The following PTPRD variants were observed in gnomAD, a reference collection of about 807,000 sequenced individuals.
PTPRD encodes receptor-type tyrosine-protein phosphatase delta.
In PTPRD, 34 loss-of-function variants were observed where a neutral mutation model predicts 214.5. That is an observed-to-expected ratio of 0.16 (90% CI 0.12 to 0.21). The LOEUF (loss-of-function observed/expected upper bound fraction) is 0.21, where lower values mean the gene tolerates loss of function less well. PTPRD is among the 10% of genes least tolerant of loss of function. The probability of loss-of-function intolerance (pLI) is 1.00; values close to 1 mark genes in which losing one functional copy is unlikely to be tolerated. For synonymous variants in PTPRD, 1,128 were observed against 845.7 expected (o/e 1.33, Z -5.79); for missense variants, 2,545 against 2,398.7 (o/e 1.06, Z -1.27).
At chr9:8,736,674 T>A (rs542583175) in intron 11 of PTPRD, among the ~76,000 whole-genome samples, 33 of 152,008 alleles carry the variant, frequency 2.2e-4, no homozygotes, top group Middle Eastern at 3.4e-3. Context: ...AGGAGAGGAA[T>A]CACTCTACCA....
chr9:8,690,414 C>A (rs2097778746), intron 12 of PTPRD, among the ~76,000 whole-genome samples: 1 of 151,344 alleles, frequency 6.6e-6, no homozygotes. Flanking sequence ...GTAGTCCCAG[C>A]TACTTGGGAG....
At chr9:10,313,803 C>G (rs999765307) in intron 3 of PTPRD, among the ~76,000 whole-genome samples, 1 of 151,904 alleles carries the variant, frequency 6.6e-6, no homozygotes, top group African/African-American at 2.4e-5. Flanking sequence ...CTGTTAGAGG[C>G]CTTCCATAAT....
chr9:10,104,367 G>A (rs1245133088), intron 3 of PTPRD, among the ~76,000 whole-genome samples: 2 of 151,502 alleles, frequency 1.3e-5, no homozygotes, highest in African/African-American at 4.8e-5. Context: ...GAATTTAATG[G>A]CTTGATGAAT....
intron 40 of PTPRD, 78 bp downstream of exon 40, chr9:8,341,615 G>C (rs1852540321): frequency 2.0e-6 from 3 of 1,514,366 alleles, no homozygotes; most frequent in African/African-American, 1.4e-5. Context: ...AATTTGAAAG[G>C]TTAAAGTAAA....
intron 30 of PTPRD, among the ~76,000 whole-genome samples, chr9:8,475,854 G>T (rs1259945533): frequency 6.6e-6 from 1 of 152,132 alleles, no homozygotes; most frequent in African/African-American, 2.4e-5. Context: ...CTTATGCCCA[G>T]ACTGTGACCT....
intron 2 of PTPRD, among the ~76,000 whole-genome samples, chr9:10,390,378 T>C (rs2098033822): frequency 6.6e-6 from 1 of 151,804 alleles, no homozygotes; most frequent in Non-Finnish European, 1.5e-5. Flanking sequence ...TCATCTCTTC[T>C]TTTCTGGATT....
intron 11 of PTPRD, among the ~76,000 whole-genome samples, chr9:8,942,115 G>A (rs2099037718): frequency 1.3e-5 from 2 of 152,068 alleles, no homozygotes; most frequent in African/African-American, 4.8e-5. Context: ...CTATAATAAA[G>A]GTCTTAATGC....
At chr9:10,594,250 A>G (rs967052067) in intron 2 of PTPRD, among the ~76,000 whole-genome samples, 1 of 148,982 alleles carries the variant, frequency 6.7e-6, no homozygotes, top group African/African-American at 2.4e-5. Context: ...TCCCTTAAAT[A>G]TAAATGAAGG....
At chr9:9,708,892 G>T (rs2097675119) in intron 7 of PTPRD, among the ~76,000 whole-genome samples, 1 of 151,900 alleles carries the variant, frequency 6.6e-6, no homozygotes, top group Admixed American at 6.6e-5. Flanking sequence ...TTATAATTCT[G>T]CAAACTAGAA....
At chr9:10,611,244 CTT>C (rs2080891024) in intron 2 of PTPRD, among the ~76,000 whole-genome samples, 1 of 152,104 alleles carries the variant, frequency 6.6e-6, no homozygotes, top group African/African-American at 2.4e-5. Context: ...TGTCAAAAAA[CTT>C]AGGATTTGTT....
At chr9:10,418,663 T>TAG (rs1158868427) in intron 2 of PTPRD, among the ~76,000 whole-genome samples, 5 of 151,882 alleles carry the variant, frequency 3.3e-5, no homozygotes, top group African/African-American at 1.2e-4. Context: ...AACATTGTTT[T>TAG]GTTCCCTGCT....
intron 3 of PTPRD, among the ~76,000 whole-genome samples, chr9:10,268,602 G>T (rs940765026): frequency 7.9e-5 from 12 of 152,026 alleles, no homozygotes; most frequent in Non-Finnish European, 1.6e-4. Flanking sequence ...TCATAAGTTT[G>T]TATTTCTCCA....
chr9:8,340,312 A>T (rs1304113050), intron 42 of PTPRD, 31 bp downstream of exon 42: 1 of 1,568,158 alleles, frequency 6.4e-7, no homozygotes, highest in Non-Finnish European at 8.7e-7. Flanking sequence ...TAAATGTCTT[A>T]TGAGGAGACA....
chr9:10,156,854 T>G (rs2099096540), intron 3 of PTPRD, among the ~76,000 whole-genome samples: 1 of 152,208 alleles, frequency 6.6e-6, no homozygotes, highest in South Asian at 2.1e-4. Context: ...TAGTTAGGTC[T>G]TCTCTTGAAT....
At chr9:10,006,833 A>G (rs2096487359) in intron 4 of PTPRD, among the ~76,000 whole-genome samples, 1 of 151,892 alleles carries the variant, frequency 6.6e-6, no homozygotes, top group Non-Finnish European at 1.5e-5. Flanking sequence ...ATTCCATTCT[A>G]TCTACTGGTG....
At chr9:8,340,576 T>C (rs1851538247) in intron 41 of PTPRD, 107 bp from the exon 42 acceptor site, 1 of 1,107,080 alleles carries the variant, frequency 9.0e-7, no homozygotes, top group Non-Finnish European at 1.2e-6. Flanking sequence ...GAAAACATAT[T>C]ATTAATGCAA....
chr9:10,307,684 T>C lies in PTPRD; in HGVS notation c.-545+33279A>G, dbSNP rs569821130. 2.6e-5 allele frequency among the ~76,000 whole-genome samples: 4 copies of C among 152,126 alleles called. No homozygotes were observed. The East Asian group carries it at 7.8e-4, about 30-fold the overall frequency. ...CATTCTCACCAACAGTGTATAACAG[T>C]TCCCTTAAATACTGGATGTAAAAGA... On this transcript the variant is annotated intron_variant, in intron 3 of 45. Transcript: ENST00000381196.
chr9:9,322,045 T>A (rs1412276344), intron 9 of PTPRD, among the ~76,000 whole-genome samples: 2 of 152,180 alleles, frequency 1.3e-5, no homozygotes, highest in Admixed American at 6.6e-5. Context: ...CTAGAAGTTC[T>A]GATTTCTCAA....
chr9:8,316,417 T>C lies in PTPRD; in HGVS notation c.*1457A>G. 4.3e-6 allele frequency: 1 copy of C among 231,184 alleles called. No individual in the cohort carries two copies. The highest frequency in any genetic ancestry group is 8.6e-6 in the Non-Finnish European group (1 of 116,566). The allele number at this position is 231,184 out of a possible 1,614,324, so 14.3% of individuals were successfully genotyped here. A position where few individuals can be genotyped will look rare whatever the true frequency, so the allele number is the denominator to read the frequency against. On this transcript the variant is annotated 3_prime_UTR_variant, in exon 46 of 46. Transcript: ENST00000381196. ...CCCAGGAATGCTGTATGCCACAAAA[T>C]GTTTCTGACTGAACAGAGTAACATG...
Sources: allele counts gnomAD v4.1 joint callset (sites outside exome capture counted in the v4.1 genomes callset), GRCh38; gene constraint gnomAD v4.1.1; transcripts MANE v1.5; gene names NCBI Gene and HGNC (gene_info 2026-07-23, HGNC 2026-07-21).